Variants in CWC27 observed in about 807,000 individuals in gnomAD.
CWC27 encodes the protein spliceosome-associated protein CWC27 homolog.
A neutral mutation model predicts 63.6 loss-of-function variants in CWC27; 47 were observed. The ratio of observed to expected loss-of-function variants is 0.74; its 90% CI spans 0.58 to 0.94. The LOEUF (loss-of-function observed/expected upper bound fraction) is 0.94, where lower values mean the gene tolerates loss of function less well. Among genes scored for constraint, CWC27 ranks in the 40% least tolerant of loss-of-function variants. The pLI is 0.00. For missense variants in CWC27, 495 were observed against 554.3 expected (o/e 0.89, Z 1.07); for synonymous variants, 175 against 179.8 (o/e 0.97, Z 0.22).
At chr5:64,940,365 A>T (rs568143044) in intron 11 of CWC27, among the ~76,000 whole-genome samples, 1 of 152,076 alleles carries the variant, frequency 6.6e-6, no homozygotes, top group African/African-American at 2.4e-5. Flanking sequence ...TGGCTGGGGG[A>T]GGGAGTTCTC....
chr5:65,011,272 C>G (rs910396472), intron 13 of CWC27, among the ~76,000 whole-genome samples: 4 of 152,126 alleles, frequency 2.6e-5, no homozygotes, highest in African/African-American at 9.7e-5. Flanking sequence ...CACCTGCAGC[C>G]TAGTAAGGGA....
At chr5:64,985,342 G>A (rs551003151) in intron 13 of CWC27, among the ~76,000 whole-genome samples, 5 of 151,918 alleles carry the variant, frequency 3.3e-5, no homozygotes, top group South Asian at 2.1e-4. Flanking sequence ...ATTTCATTAC[G>A]TTTATTGATC....
chr5:64,950,666 T>C (rs1293213176), intron 11 of CWC27, among the ~76,000 whole-genome samples: 1 of 151,996 alleles, frequency 6.6e-6, no homozygotes, highest in African/African-American at 2.4e-5. Context: ...AGTTCACCAA[T>C]TTTAAGTAGG....
At chr5:64,841,948 G>A (rs548015109) in intron 10 of CWC27, among the ~76,000 whole-genome samples, 1 of 152,274 alleles carries the variant, frequency 6.6e-6, no homozygotes, top group South Asian at 2.1e-4. Flanking sequence ...CCAAAGTGCT[G>A]GGATTACAGG....
intron 11 of CWC27, among the ~76,000 whole-genome samples, chr5:64,893,016 C>G (rs1373820721): frequency 1.3e-5 from 2 of 152,170 alleles, no homozygotes; most frequent in African/African-American, 4.8e-5. Flanking sequence ...ACAAATTTGT[C>G]CACTCTTGGA....
intron 11 of CWC27, among the ~76,000 whole-genome samples, chr5:64,918,752 A>G (rs982890421): frequency 2.0e-5 from 3 of 151,564 alleles, no homozygotes; most frequent in Non-Finnish European, 4.4e-5. Context: ...TTTTTTCTTC[A>G]TTTTTTCTGT....
chr5:64,992,082 A>AT (rs781288123), intron 13 of CWC27, among the ~76,000 whole-genome samples: 1 of 152,128 alleles, frequency 6.6e-6, no homozygotes, highest in South Asian at 2.1e-4. Flanking sequence ...CCACCAAGTC[A>AT]TTTTTTAAGC....
At chr5:65,006,987 AAAGAAAG>A (rs1749855055) in intron 13 of CWC27, among the ~76,000 whole-genome samples, 1 of 150,736 alleles carries the variant, frequency 6.6e-6, no homozygotes, top group Non-Finnish European at 1.5e-5. Flanking sequence ...AGAAAGAAAG[AAAGAAAG>A]AAAGAAAGAA....
Position 64,940,072 on chromosome 5 carries a change from C to T in CWC27, c.1043-31631C>T, listed in dbSNP as rs1748442746. 3.3e-5 allele frequency among the ~76,000 whole-genome samples: 5 copies of T among 152,316 alleles called. No individual in the cohort carries two copies. In the South Asian group the frequency reaches 6.2e-4, roughly 19 times the overall value. On this transcript the variant is annotated intron_variant, in intron 11 of 13. Coordinates refer to ENST00000381070, the MANE Select transcript of CWC27 (RefSeq NM_005869.4). ...CTGGGCTCTGTGGGGGTGGGATCCA[C>T]TGAGCTAGACCACTTATCTCCCTGA...
chr5:64,990,621 G>T (rs1423534397), intron 13 of CWC27, among the ~76,000 whole-genome samples: 1 of 152,128 alleles, frequency 6.6e-6, no homozygotes, highest in African/African-American at 2.4e-5. Context: ...CTAATTTCCA[G>T]TATAGGAAAT....
chr5:64,811,591 T>C (rs534301211), intron 10 of CWC27, among the ~76,000 whole-genome samples: 1 of 152,198 alleles, frequency 6.6e-6, no homozygotes, highest in Non-Finnish European at 1.5e-5. Context: ...GCATCAGTCT[T>C]AGTGTTTGAA....
Position 64,908,081 on chromosome 5 carries a change from T to G in CWC27, c.1042+22535T>G, listed in dbSNP as rs568947917. Among the ~76,000 whole-genome samples the G allele has an allele frequency of 7.9e-5, 12 of 152,362 alleles. No individual in the cohort carries two copies. In the South Asian group the frequency reaches 2.5e-3, roughly 32 times the overall value. ...ATATGTCCCAGAGATTCTGGTACAT[T>G]GCGTCTTTGTTCTCATTGGTTTCAA... On this transcript the variant is annotated intron_variant, in intron 11 of 13. Coordinates refer to ENST00000381070, the MANE Select transcript of CWC27 (RefSeq NM_005869.4).
At position 64,901,113 on chromosome 5, in the gene CWC27, G is replaced by A. The variant is rs114120551; in HGVS notation, c.1042+15567G>A. 8.5e-3 allele frequency among the ~76,000 whole-genome samples: 1,287 copies of A among 152,162 alleles called. 19 individuals carry two copies. Among genetic ancestry groups the A allele is most frequent in the Middle Eastern group, 0.031 (9 of 294 alleles). On this transcript the variant is annotated intron_variant, in intron 11 of 13. Coordinates refer to ENST00000381070, the MANE Select transcript of CWC27 (RefSeq NM_005869.4). The stretch of plus-strand genomic sequence containing the variant: ...CAAAAGATTGGATACCCCTGGTATA[G>A]GCTATTGTTCCTAGGCTATAATCCT...
chr5:64,937,403 G>A (rs1748379072), intron 11 of CWC27, among the ~76,000 whole-genome samples: 1 of 152,146 alleles, frequency 6.6e-6, no homozygotes, highest in Non-Finnish European at 1.5e-5. Flanking sequence ...GTAGTTGTGT[G>A]GTTTTGAGTG....
At chr5:64,909,990 C>T (rs1747750295) in intron 11 of CWC27, among the ~76,000 whole-genome samples, 1 of 152,184 alleles carries the variant, frequency 6.6e-6, no homozygotes, top group African/African-American at 2.4e-5. Flanking sequence ...AGCTGTGATC[C>T]TTTGGAGGAT....
chr5:64,848,113 T>C (rs1746037551), intron 10 of CWC27, among the ~76,000 whole-genome samples: 2 of 151,948 alleles, frequency 1.3e-5, no homozygotes, highest in African/African-American at 4.8e-5. Context: ...TTGACAGATT[T>C]TAGCTAACTT....
chr5:64,859,299 A>G (rs541703450), intron 10 of CWC27, among the ~76,000 whole-genome samples: 2 of 152,142 alleles, frequency 1.3e-5, no homozygotes, highest in Non-Finnish European at 2.9e-5. Flanking sequence ...GATTATGTGG[A>G]AAGTGGTACA....
At chr5:64,824,662 T>C (rs1745306774) in intron 10 of CWC27, among the ~76,000 whole-genome samples, 6 of 149,860 alleles carry the variant, frequency 4.0e-5, no homozygotes, top group African/African-American at 1.5e-4. Flanking sequence ...TCTAGAAAAG[T>C]TTTGTGGGTT....
At chr5:64,913,505 T>C (rs1747831552) in intron 11 of CWC27, among the ~76,000 whole-genome samples, 1 of 152,010 alleles carries the variant, frequency 6.6e-6, no homozygotes, top group East Asian at 1.9e-4. Context: ...TTAATGTGAG[T>C]ATACCTGATA....
Sources: gnomAD v4.1 joint callset for allele counts (sites outside exome capture counted in the v4.1 genomes callset) on GRCh38, gnomAD v4.1.1 for gene constraint, MANE v1.5 for transcripts, NCBI Gene and HGNC (gene_info 2026-07-23, HGNC 2026-07-21) for gene names.